PLCB1: variants seen among roughly 807,000 people sequenced by gnomAD.
PLCB1 encodes the protein 1-phosphatidylinositol 4,5-bisphosphate phosphodiesterase beta-1.
Under a neutral mutation model 161.8 loss-of-function variants are expected in PLCB1, and 46 were observed. The ratio of observed to expected loss-of-function variants is 0.28; its 90% CI spans 0.22 to 0.36. The LOEUF (loss-of-function observed/expected upper bound fraction) is 0.36, where lower values mean the gene tolerates loss of function less well. Ranked by LOEUF, PLCB1 falls within the 10% of genes least tolerant of loss-of-function variation. The pLI is 1.00. For missense variants in PLCB1, 1,016 were observed against 1,472.5 expected (o/e 0.69, Z 5.07); for synonymous variants, 517 against 503.7 (o/e 1.03, Z -0.35).
intron 3 of PLCB1, among the ~76,000 whole-genome samples, chr20:8,518,832 C>G (rs934566945): frequency 1.3e-5 from 2 of 151,820 alleles, no homozygotes; most frequent in African/African-American, 4.8e-5. Context: ...GCTTGTTTTC[C>G]TGCAACTAGA....
chr20:8,653,769 G>A (rs925270697), intron 7 of PLCB1, among the ~76,000 whole-genome samples: 1 of 151,954 alleles, frequency 6.6e-6, no homozygotes, highest in Non-Finnish European at 1.5e-5. Context: ...GGAATATTTA[G>A]TGTACTGGTT....
At chr20:8,256,893 T>G (rs751304015) in intron 2 of PLCB1, 10 of 152,172 alleles carry the variant, frequency 6.6e-5, no homozygotes, top group Non-Finnish European at 1.0e-4. Context: ...AATTTGATTG[T>G]AATAAATATT....
At chr20:8,842,100 T>C (rs567297439) in intron 31 of PLCB1, among the ~76,000 whole-genome samples, 1 of 152,276 alleles carries the variant, frequency 6.6e-6, no homozygotes, top group Non-Finnish European at 1.5e-5. Context: ...CAGTGTAAGA[T>C]TGAATGAGAT....
intron 3 of PLCB1, among the ~76,000 whole-genome samples, chr20:8,392,055 C>T (rs1467313026): frequency 1.3e-5 from 2 of 151,846 alleles, no homozygotes; most frequent in Non-Finnish European, 2.9e-5. Flanking sequence ...AGTTTATGAG[C>T]AGCGAGTTCC....
intron 3 of PLCB1, among the ~76,000 whole-genome samples, chr20:8,583,146 A>C (rs938236316): frequency 2.0e-5 from 3 of 152,230 alleles, no homozygotes; most frequent in Non-Finnish European, 4.4e-5. Context: ...CATATAGAGC[A>C]GTCAAATTCA....
intron 27 of PLCB1, among the ~76,000 whole-genome samples, chr20:8,784,041 G>A (rs537623502): frequency 2.6e-5 from 4 of 152,280 alleles, no homozygotes; most frequent in African/African-American, 9.6e-5. Flanking sequence ...AAAACTACAG[G>A]TGTACCTCAC....
intron 4 of PLCB1, among the ~76,000 whole-genome samples, chr20:8,632,914 G>C (rs1326886564): frequency 6.6e-6 from 1 of 152,062 alleles, no homozygotes; most frequent in African/African-American, 2.4e-5. Flanking sequence ...GCCCCGAGAG[G>C]GTTTCAGCTG....
At chr20:8,182,810 A>T (rs534824781) in intron 2 of PLCB1, among the ~76,000 whole-genome samples, 1 of 151,726 alleles carries the variant, frequency 6.6e-6, no homozygotes, top group Non-Finnish European at 1.5e-5. Context: ...TGAACTCTTA[A>T]CCTGAAGCAA....
intron 3 of PLCB1, among the ~76,000 whole-genome samples, chr20:8,514,045 A>C (rs1984003673): frequency 1.3e-5 from 2 of 151,952 alleles, no homozygotes; most frequent in Non-Finnish European, 2.9e-5. Flanking sequence ...AAGAAGAAGA[A>C]GAAAAAGTAT....
intron 2 of PLCB1, among the ~76,000 whole-genome samples, chr20:8,176,541 G>C (rs1190282657): frequency 1.3e-5 from 2 of 152,150 alleles, no homozygotes; most frequent in African/African-American, 4.8e-5. Context: ...GAATGCTTGT[G>C]GTGACGATAC....
chr20:8,158,302 G>A (rs1002424737), intron 2 of PLCB1, among the ~76,000 whole-genome samples: 2 of 152,116 alleles, frequency 1.3e-5, no homozygotes, highest in African/African-American at 2.4e-5. Context: ...ATTTTTGGTT[G>A]TTCTGTAGTT....
chr20:8,145,693 A>G (rs972058229), intron 1 of PLCB1, among the ~76,000 whole-genome samples: 27 of 152,308 alleles, frequency 1.8e-4, no homozygotes, highest in African/African-American at 6.3e-4. Flanking sequence ...GTCCCTGTGA[A>G]GGTTTGGAGT....
In PLCB1 at chr20:8,884,376, T is replaced by C. The variant is rs1218583572; in HGVS notation, c.*2527T>C. 1 of 152,608 alleles carries C rather than the reference T, an allele frequency of 6.6e-6. No homozygotes were observed. The highest frequency in any genetic ancestry group is 6.5e-5 in the Admixed American group (1 of 15,268). 9.5% of individuals were successfully genotyped at this position (152,608 alleles called of 1,614,324 possible). A position where few individuals can be genotyped will look rare whatever the true frequency, so the allele number is the denominator to read the frequency against. On this transcript the variant is annotated 3_prime_UTR_variant, in exon 32 of 32. Transcript: ENST00000338037. ...TGAAATTCCGTACTGTGGTTTTTCC[T>C]ATAATAGAAAGTAGAGCTGTGTATT... is the stretch of plus-strand genomic sequence containing the variant.
chr20:8,507,157 A>G (rs1221864884), intron 3 of PLCB1, among the ~76,000 whole-genome samples: 1 of 152,202 alleles, frequency 6.6e-6, no homozygotes, highest in Non-Finnish European at 1.5e-5. Flanking sequence ...CTATTAGTTA[A>G]GTGGAAGTGG....
intron 3 of PLCB1, among the ~76,000 whole-genome samples, chr20:8,591,356 A>T (rs566428711): frequency 2.6e-4 from 40 of 152,296 alleles, no homozygotes; most frequent in African/African-American, 9.1e-4. Flanking sequence ...GACAAAGTAG[A>T]TAATAAGCAC....
chr20:8,180,660 C>T (rs1203849577), intron 2 of PLCB1, among the ~76,000 whole-genome samples: 10 of 131,178 alleles, frequency 7.6e-5, no homozygotes, highest in African/African-American at 3.8e-4. Flanking sequence ...AAGTCCAGTT[C>T]ATTGAAAAAA....
At chr20:8,501,964 AGTTGATATT>A (rs1983441106) in intron 3 of PLCB1, among the ~76,000 whole-genome samples, 1 of 142,616 alleles carries the variant, frequency 7.0e-6, no homozygotes, top group South Asian at 2.3e-4. Context: ...TATTCTCCAA[AGTTGATATT>A]GTTTTCTTCT....
At chr20:8,772,545 G>T (rs1982742368) in intron 26 of PLCB1, among the ~76,000 whole-genome samples, 1 of 152,194 alleles carries the variant, frequency 6.6e-6, no homozygotes, top group African/African-American at 2.4e-5. Context: ...GGCATATGGG[G>T]GGATGGTTGG....
intron 2 of PLCB1, among the ~76,000 whole-genome samples, chr20:8,216,574 G>T (rs1979141228): frequency 6.6e-6 from 1 of 152,110 alleles, no homozygotes; most frequent in African/African-American, 2.4e-5. Context: ...AAGTGGGTAT[G>T]GTTGAGTAGA....
Sources: gnomAD v4.1 joint callset for allele counts (sites outside exome capture counted in the v4.1 genomes callset) on GRCh38, gnomAD v4.1.1 for gene constraint, MANE v1.5 for transcripts, NCBI Gene and HGNC (gene_info 2026-07-23, HGNC 2026-07-21) for gene names.